Variants in ADAMTS17 observed in about 807,000 individuals in gnomAD.
ADAMTS17 encodes the protein ADAM metallopeptidase with thrombospondin type 1 motif 17, also known as A disintegrin and metalloproteinase with thrombospondin motifs 17.
In ADAMTS17, 113 loss-of-function variants were observed where a neutral mutation model predicts 141.5. That is an observed-to-expected ratio of 0.80 (90% CI 0.69 to 0.93). The LOEUF is 0.93. Ranked by LOEUF, ADAMTS17 falls within the 40% of genes least tolerant of loss-of-function variation. ADAMTS17 has a pLI of 0.00. For synonymous variants in ADAMTS17, 768 were observed against 630.6 expected, an observed-to-expected ratio of 1.22 and a Z score of -3.27; for missense variants, 1,659 against 1,517.9, an observed-to-expected ratio of 1.09 and a Z score of -1.54.
chr15:100,134,980 G>A (rs1038249046), intron 10 of ADAMTS17, among the ~76,000 whole-genome samples: 1 of 152,160 alleles, frequency 6.6e-6, no homozygotes, highest in Non-Finnish European at 1.5e-5. Context: ...TCTGACCTGC[G>A]AGCTCTTTGA....
intron 2 of ADAMTS17, 151 bp downstream of exon 2, chr15:100,340,888 G>A: frequency 3.3e-6 from 4 of 1,227,716 alleles, no homozygotes; most frequent in Non-Finnish European, 4.5e-6. Flanking sequence ...GCCGGGGTGG[G>A]GGATGGGGAG....
chr15:100,083,482 C>G (rs2034885381), intron 15 of ADAMTS17, among the ~76,000 whole-genome samples: 1 of 152,136 alleles, frequency 6.6e-6, no homozygotes, highest in Non-Finnish European at 1.5e-5. Flanking sequence ...CCTTTTCATT[C>G]ATTTTCAGGT....
rs181249835 is a variant in ADAMTS17, at chr15:100,326,724, T to C, written c.616+4165A>G. 1.8e-4 allele frequency among the ~76,000 whole-genome samples: 28 copies of C among 152,288 alleles called. No individual in the cohort carries two copies. In the East Asian group the frequency reaches 4.6e-3, roughly 25 times the overall value. On this transcript the variant is annotated intron_variant, in intron 3 of 21. Transcript: ENST00000268070. ...GAGACCTAAGCCTGCCATAAACCTT[T>C]GCAGCTAGTGGCAAACCCAATCCAA...
intron 15 of ADAMTS17, among the ~76,000 whole-genome samples, chr15:100,094,551 G>A (rs2035648855): frequency 6.6e-6 from 1 of 152,210 alleles, no homozygotes; most frequent in Admixed American, 6.5e-5. Flanking sequence ...AGTTAGATGT[G>A]TGGTAGAACT....
intron 14 of ADAMTS17, among the ~76,000 whole-genome samples, chr15:100,099,525 G>C (rs1010435463): frequency 1.3e-5 from 2 of 152,178 alleles, no homozygotes; most frequent in Non-Finnish European, 2.9e-5. Context: ...GGAAACTCCA[G>C]GCAATAAACT....
At position 100,328,618 on chromosome 15, in the gene ADAMTS17, A is replaced by T. The variant is rs577096796; in HGVS notation, c.616+2271T>A. Among the ~76,000 whole-genome samples, 37 of 152,024 alleles carry T rather than the reference A, an allele frequency of 2.4e-4. No individual in the cohort carries two copies. The South Asian group carries it at 7.5e-3, about 31-fold the overall frequency. ...TGTTTTAACTTGTTCCATCACACCC[A>T]CCCCACCCTGATTTTGTTAATTTTA... On this transcript the variant is annotated intron_variant, in intron 3 of 21. Coordinates refer to ENST00000268070, the MANE Select transcript of ADAMTS17 (RefSeq NM_139057.4).
In ADAMTS17 at chr15:100,053,908, G is replaced by T; in HGVS notation, c.2284C>A (p.Leu762Met). The change falls in exon 16 of 22, where the codon CTG becomes ATG. Residue 762 changes from leucine (L) to methionine (M), a missense_variant. Physicochemically the swap from Leu to Met is conservative, Grantham distance 15 (BLOSUM62 2). Transcript: ENST00000268070. ...ISAKGPTKLPLHLMVLLFHDQ... is the reference protein window; with the variant it reads ...ISAKGPTKLPMHLMVLLFHDQ... ...GCCCAGCAAGTTACCATCAAGTGCA[G>T]CGGTAGTTTGGTTGGTCCCTTGGCA... is the stretch of plus-strand genomic sequence containing the variant. 6.2e-7 allele frequency: 1 copy of T among 1,614,224 alleles called. No individual in the cohort carries two copies. The highest frequency in any genetic ancestry group is 1.3e-5 in the African/African-American group (1 of 75,048).
At chr15:100,104,036 AG>A (rs369239599) in intron 14 of ADAMTS17, among the ~76,000 whole-genome samples, 10 of 152,344 alleles carry the variant, frequency 6.6e-5, no homozygotes, top group African/African-American at 2.4e-4. Context: ...TATGGTACCA[AG>A]GAAGTAGGAA....
At chr15:100,048,202 T>C (rs4965563) in intron 18 of ADAMTS17, among the ~76,000 whole-genome samples, 47,590 of 151,860 alleles carry the variant, frequency 0.31, 8,484 homozygotes, top group East Asian at 0.49. Context: ...ACCATTCACC[T>C]CAATTCACAG....
intron 18 of ADAMTS17, among the ~76,000 whole-genome samples, chr15:100,028,995 C>T (rs192937730): frequency 2.2e-3 from 337 of 152,328 alleles, no homozygotes; most frequent in African/African-American, 3.2e-3. Flanking sequence ...AGGCTGTTTG[C>T]GGACATCTCG....
Position 99,993,588 on chromosome 15 carries a change from G to C in ADAMTS17, c.2797-388C>G, listed in dbSNP as rs1036883195. ...ACAGGGGCCAGCCGGAGCAAGGTGA[G>C]GCCCTAAAGCTGAGTCCCAGGCCCC... On this transcript the variant is annotated intron_variant, in intron 19 of 21. Transcript: ENST00000268070. The surrounding 1 kb of genome is among the most constrained non-coding windows in gnomAD (Gnocchi z 4.3). Among the ~76,000 whole-genome samples the C allele has an allele frequency of 1.3e-5, 2 of 152,218 alleles. No individual in the cohort carries two copies. Among genetic ancestry groups the C allele is most frequent in the African/African-American group, 4.8e-5 (2 of 41,440 alleles).
At chr15:100,291,582 G>T (rs1318699995) in intron 3 of ADAMTS17, among the ~76,000 whole-genome samples, 1 of 151,990 alleles carries the variant, frequency 6.6e-6, no homozygotes, top group African/African-American at 2.4e-5. Context: ...CAAAAACCTG[G>T]AATCAATCTA....
intron 15 of ADAMTS17, among the ~76,000 whole-genome samples, chr15:100,063,269 A>T (rs1291408225): frequency 1.3e-5 from 2 of 152,322 alleles, no homozygotes; most frequent in East Asian, 3.9e-4. Context: ...CCAGCTAAGA[A>T]GTCATCCCCA....
intron 7 of ADAMTS17, among the ~76,000 whole-genome samples, chr15:100,213,398 T>C (rs964126782): frequency 1.3e-5 from 2 of 152,216 alleles, no homozygotes; most frequent in Admixed American, 6.5e-5. Context: ...ATCACCATGA[T>C]TGCTCAGAAA....
Position 100,200,740 on chromosome 15 carries a change from G to A in ADAMTS17, c.1076-1317C>T, listed in dbSNP as rs535354046. Among the ~76,000 whole-genome samples, 59 of 152,290 alleles carry A rather than the reference G, an allele frequency of 3.9e-4. 2 individuals are homozygous for A. The highest frequency in any genetic ancestry group is 1.4e-3 in the South Asian group (7 of 4,832). ...GGCTAAATACAGCTGGACTCTGCCC[G>A]TCAACTCCATGCCCTGGATGGGCTG... On this transcript the variant is annotated intron_variant, in intron 7 of 21. Coordinates refer to ENST00000268070, the MANE Select transcript of ADAMTS17 (RefSeq NM_139057.4).
chr15:100,258,892 G>C (rs1427576852), intron 6 of ADAMTS17, among the ~76,000 whole-genome samples: 3 of 152,162 alleles, frequency 2.0e-5, no homozygotes, highest in Non-Finnish European at 4.4e-5. Context: ...ATGTCTCCTT[G>C]TAAAAGGGCT....
chr15:100,293,778 T>C (rs1182004846), intron 3 of ADAMTS17, among the ~76,000 whole-genome samples: 2 of 152,354 alleles, frequency 1.3e-5, no homozygotes, highest in East Asian at 3.9e-4. Context: ...TCCCAACACC[T>C]AGCACTGTGT....
At chr15:100,012,367 T>C (rs915237701) in intron 18 of ADAMTS17, among the ~76,000 whole-genome samples, 2 of 152,234 alleles carry the variant, frequency 1.3e-5, no homozygotes, top group African/African-American at 4.8e-5. Flanking sequence ...CCTTTCACCA[T>C]GCAGAAGCTC....
intron 12 of ADAMTS17, among the ~76,000 whole-genome samples, chr15:100,118,621 G>C (rs1161462727): frequency 6.6e-6 from 1 of 152,180 alleles, no homozygotes; most frequent in African/African-American, 2.4e-5. Context: ...GGTGTGTTTA[G>C]GCAGAAGGGG....
Sources: allele counts gnomAD v4.1 joint callset (sites outside exome capture counted in the v4.1 genomes callset), GRCh38; gene constraint gnomAD v4.1.1; non-coding constraint Gnocchi (gnomAD v3.1); transcripts MANE v1.5; gene names NCBI Gene and HGNC (gene_info 2026-07-23, HGNC 2026-07-21).